The following CREB1 variants were observed in gnomAD, a reference collection of about 807,000 sequenced individuals.
CREB1 encodes the protein cyclic AMP-responsive element-binding protein 1.
CREB1 carries 2 observed loss-of-function variants against 42.0 expected under a neutral mutation model. The ratio of observed to expected loss-of-function variants is 0.05; its 90% confidence interval spans 0.02 to 0.15. The LOEUF (loss-of-function observed/expected upper bound fraction) is 0.15. Among genes scored for constraint, CREB1 ranks in the 10% least tolerant of loss-of-function variants. The pLI is 1.00. For synonymous variants in CREB1, 123 were observed against 139.9 expected (o/e 0.88, Z 0.85); for missense variants, 199 against 388.9 (o/e 0.51, Z 4.11).
intron 7 of CREB1, among the ~76,000 whole-genome samples, chr2:207,592,927 A>AAAAAGAAAAGAAAG (rs2085359395): frequency 6.6e-6 from 1 of 151,514 alleles, no homozygotes; most frequent in Admixed American, 6.6e-5. Context: ...AGAAAAGAAA[A>AAAAAGAAAAGAAAG]TTCTCAGATA....
chr2:207,560,074 A>T lies in CREB1; in HGVS notation c.115-152A>T, dbSNP rs187547208. ...TTTTTTATAGTGTTTTTTCTTAAAGAATATTAAATTTAGTCATTACTTTCA... is the reference window on the plus strand; with the variant it reads ...TTTTTTATAGTGTTTTTTCTTAAAGTATATTAAATTTAGTCATTACTTTCA... On this transcript the variant is annotated intron_variant, in intron 2 of 7. Transcript: ENST00000353267. 4.6e-4 allele frequency: 276 copies of T among 606,130 alleles called. No homozygotes were observed. The African/African-American group carries it at 4.7e-3, about 10-fold the overall frequency. The allele number at this position is 606,130 out of a possible 1,614,324, so 37.5% of individuals were successfully genotyped here.
chr2:207,558,199 C>T (rs2081808551), intron 2 of CREB1, among the ~76,000 whole-genome samples: 1 of 152,124 alleles, frequency 6.6e-6, no homozygotes, highest in South Asian at 2.1e-4. Context: ...CCCTATATGC[C>T]AAAGACACTG....
chr2:207,531,035 A>G (rs1410578220), intron 1 of CREB1, among the ~76,000 whole-genome samples: 3 of 152,000 alleles, frequency 2.0e-5, no homozygotes, highest in Admixed American at 2.0e-4. Context: ...GTGCTAAGAA[A>G]AACATTTATA....
intron 1 of CREB1, among the ~76,000 whole-genome samples, chr2:207,541,244 A>G (rs1477665448): frequency 6.6e-6 from 1 of 152,136 alleles, no homozygotes; most frequent in Non-Finnish European, 1.5e-5. Context: ...TAGCCTAAGT[A>G]TACAGTGCCT....
chr2:207,592,096 AT>A (rs1442894848), intron 7 of CREB1, among the ~76,000 whole-genome samples: 2 of 152,118 alleles, frequency 1.3e-5, no homozygotes, highest in Non-Finnish European at 2.9e-5. Flanking sequence ...TTTGAAAGAT[AT>A]TTTTGCTGGG....
intron 7 of CREB1, among the ~76,000 whole-genome samples, chr2:207,592,911 C>CAAAAAAGAAAAAAAAAAGGAA (rs146008919): frequency 6.9e-6 from 1 of 145,122 alleles, no homozygotes; most frequent in Admixed American, 6.9e-5. Flanking sequence ...GACTCCATCT[C>CAAAAAAGAAAAAAAAAAGGAA]AAAAAAGAAA....
Position 207,597,549 on chromosome 2 carries a change from A to G in CREB1, c.*491A>G, listed in dbSNP as rs1421727060. 1 of 211,972 alleles carries G rather than the reference A, an allele frequency of 4.7e-6. No individual in the cohort carries two copies. The highest frequency in any genetic ancestry group is 9.6e-6 in the Non-Finnish European group (1 of 104,574). The allele number at this position is 211,972 out of a possible 1,614,324, so 13.1% of individuals were successfully genotyped here. ...ACATGTTGTCACATTCTCATTGTGA[A>G]TTATGTAAAGTTGTTAAGAGACATA... On this transcript the variant is annotated 3_prime_UTR_variant, in exon 8 of 8. Coordinates refer to ENST00000353267, the MANE Select transcript of CREB1 (RefSeq NM_004379.5).
At chr2:207,578,608 T>A (rs536436793) in intron 7 of CREB1, among the ~76,000 whole-genome samples, 1 of 152,344 alleles carries the variant, frequency 6.6e-6, no homozygotes, top group South Asian at 2.1e-4. Flanking sequence ...GAAAGCACTT[T>A]GTAACTGTAG....
intron 1 of CREB1, among the ~76,000 whole-genome samples, chr2:207,543,797 G>T (rs892207953): frequency 6.6e-6 from 1 of 152,052 alleles, no homozygotes; most frequent in Non-Finnish European, 1.5e-5. Context: ...TAGAGACAGG[G>T]TTTCACCATG....
At chr2:207,584,720 G>A (rs1396677194) in intron 7 of CREB1, among the ~76,000 whole-genome samples, 5 of 152,072 alleles carry the variant, frequency 3.3e-5, no homozygotes, top group Non-Finnish European at 7.4e-5. Context: ...TGACTTTTAT[G>A]TGATTTGCTA....
At chr2:207,582,029 A>C (rs2083027122) in intron 7 of CREB1, 1 of 699,392 alleles carries the variant, frequency 1.4e-6, no homozygotes, top group South Asian at 1.5e-5. Flanking sequence ...CACATCCGGG[A>C]GCACATACAT....
At chr2:207,577,911 C>A in intron 7 of CREB1, 1 of 446,812 alleles carries the variant, frequency 2.2e-6, no homozygotes, top group South Asian at 2.1e-5. Flanking sequence ...TAATGCACAA[C>A]TTCCCTATGT....
chr2:207,549,232 G>A (rs146182421), intron 1 of CREB1, among the ~76,000 whole-genome samples: 56 of 152,274 alleles, frequency 3.7e-4, no homozygotes, highest in African/African-American at 1.3e-3. Context: ...ATATGCATAT[G>A]ACATTTGAAT....
At chr2:207,582,671 A>C (rs1298823239) in intron 7 of CREB1, among the ~76,000 whole-genome samples, 1 of 152,002 alleles carries the variant, frequency 6.6e-6, no homozygotes, top group African/African-American at 2.4e-5. Context: ...CTGTTTTTCC[A>C]ATGATCTCTA....
At chr2:207,589,087 T>TTAG (rs2084473584) in intron 7 of CREB1, among the ~76,000 whole-genome samples, 1 of 152,150 alleles carries the variant, frequency 6.6e-6, no homozygotes, top group Non-Finnish European at 1.5e-5. Context: ...AGGGGGTGTA[T>TTAG]TAGTTTTCTA....
chr2:207,570,864 T>A (rs1471498401), intron 5 of CREB1, among the ~76,000 whole-genome samples: 4 of 152,184 alleles, frequency 2.6e-5, no homozygotes, highest in Non-Finnish European at 5.9e-5. Flanking sequence ...AAAATTGCTC[T>A]TACAAAATTA....
At chr2:207,532,112 T>TG (rs1050549179) in intron 1 of CREB1, among the ~76,000 whole-genome samples, 13 of 151,958 alleles carry the variant, frequency 8.6e-5, no homozygotes, top group Admixed American at 8.5e-4. Context: ...TCCCAGCACT[T>TG]GGGGGGTCGA....
intron 1 of CREB1, among the ~76,000 whole-genome samples, chr2:207,541,642 T>A (rs558571395): frequency 6.6e-6 from 1 of 152,230 alleles, no homozygotes; most frequent in East Asian, 1.9e-4. Context: ...GTATATGTAT[T>A]ACAGTTAAAA....
intron 7 of CREB1, 62 bp from the exon 8 acceptor site, chr2:207,596,852 T>C (rs1414221506): frequency 1.3e-6 from 2 of 1,555,162 alleles, no homozygotes; most frequent in Admixed American, 4.4e-5. Context: ...AAAAAAAAGG[T>C]AATCCAAAAT....
Sources: allele counts gnomAD v4.1 joint callset (sites outside exome capture counted in the v4.1 genomes callset), GRCh38; gene constraint gnomAD v4.1.1; transcripts MANE v1.5; gene names NCBI Gene and HGNC (gene_info 2026-07-23, HGNC 2026-07-21).